CAPN9: variants seen among roughly 807,000 people sequenced by gnomAD.
CAPN9 encodes the protein calpain 9, also known as calpain-9.
In CAPN9, 81 loss-of-function variants were observed where a neutral mutation model predicts 92.8. That is an observed-to-expected ratio of 0.87 (90% confidence interval 0.73 to 1.05). The LOEUF (loss-of-function observed/expected upper bound fraction) is 1.05, where lower values mean the gene tolerates loss of function less well. CAPN9 is among the 50% of genes least tolerant of loss of function. The pLI, the probability that CAPN9 is intolerant of heterozygous loss-of-function variation, is 0.00. For missense variants in CAPN9, 848 were observed against 866.2 expected, an observed-to-expected ratio of 0.98 and a Z score of 0.26; for synonymous variants, 304 against 328.0, an observed-to-expected ratio of 0.93 and a Z score of 0.79.
At chr1:230,764,373 T>C (rs2102857410) in intron 4 of CAPN9, among the ~76,000 whole-genome samples, 2 of 152,344 alleles carry the variant, frequency 1.3e-5, no homozygotes, top group Middle Eastern at 6.8e-3. Context: ...CTCCTCGTTC[T>C]CAAACCTTTG....
intron 8 of CAPN9, among the ~76,000 whole-genome samples, chr1:230,777,696 T>G (rs1666906442): frequency 6.7e-6 from 1 of 150,260 alleles, no homozygotes; most frequent in Admixed American, 6.6e-5. Context: ...CTAACCCTGA[T>G]CTTGCCAGGG....
chr1:230,774,640 C>G lies in CAPN9; in HGVS notation c.953+9C>G, dbSNP rs193126303. On this transcript the variant is annotated intron_variant, in intron 8 of 19. Transcript: ENST00000271971. ...GATGATGGGGAATTCTGGTACCGTG[C>G]TTGTTCCTGTGTTAACTGCAGATAC... The G allele has an allele frequency of 1.2e-6, 2 of 1,609,304 alleles. No homozygotes were observed. The highest frequency in any genetic ancestry group is 1.7e-6 in the Non-Finnish European group (2 of 1,175,700).
At chr1:230,755,523 G>A in intron 2 of CAPN9, 117 bp downstream of exon 2, 1 of 701,818 alleles carries the variant, frequency 1.4e-6, no homozygotes, top group Non-Finnish European at 2.4e-6. Context: ...GAACAACACT[G>A]CTTCGGCCTC....
chr1:230,783,843 A>G (rs1667389744), intron 11 of CAPN9, among the ~76,000 whole-genome samples: 1 of 152,200 alleles, frequency 6.6e-6, no homozygotes, highest in Admixed American at 6.5e-5. Flanking sequence ...AGATGAGGAA[A>G]AGTTTATAAC....
At chr1:230,772,187 G>A in intron 7 of CAPN9, 88 bp downstream of exon 7, 1 of 1,073,874 alleles carries the variant, frequency 9.3e-7, no homozygotes, top group Non-Finnish European at 1.4e-6. Flanking sequence ...GGAGTGGCCT[G>A]TCTACTATCC....
In CAPN9 at chr1:230,780,318, C is replaced by T. The variant is rs1454046271; in HGVS notation, c.1254C>T (p.Ile418=). The T allele has an allele frequency of 8.1e-6, 13 of 1,613,832 alleles. No homozygotes were observed. The highest frequency in any genetic ancestry group is 1.7e-5 in the Admixed American group (1 of 59,978). Residue 418 remains isoleucine (I), a synonymous_variant, in exon 10 of 20, where the codon ATC becomes ATT. Transcript: ENST00000271971. The stretch of plus-strand genomic sequence containing the variant: ...GATTTGGTGCCAATGTGCTGACAAT[C>T]GGCTATGCCATTTATGAGGTAGGTG... The part of the protein sequence containing the change: ...LKRFGANVLT[I]GYAIYECPDK...
chr1:230,790,340 T>C (rs1430149936), intron 14 of CAPN9, 151 bp downstream of exon 14: 1 of 1,388,150 alleles, frequency 7.2e-7, no homozygotes, highest in African/African-American at 1.5e-5. Context: ...ATTGTTTGTT[T>C]TCCTGATTCC....
chr1:230,794,790 T>C (rs1265782944), intron 17 of CAPN9, among the ~76,000 whole-genome samples: 1 of 152,190 alleles, frequency 6.6e-6, no homozygotes, highest in East Asian at 1.9e-4. Flanking sequence ...AGGAATGAAC[T>C]TGGGGCTCAG....
At chr1:230,801,476 C>T in intron 19 of CAPN9, 94 bp from the exon 20 acceptor site, 1 of 1,153,626 alleles carries the variant, frequency 8.7e-7, no homozygotes, top group Admixed American at 1.7e-5. Flanking sequence ...AGCAGATCTC[C>T]TGTGATATCA....
At chr1:230,785,893 C>T (rs948637449) in intron 11 of CAPN9, 88 bp from the exon 12 acceptor site, 2 of 1,309,452 alleles carry the variant, frequency 1.5e-6, no homozygotes, top group Non-Finnish European at 2.2e-6. Flanking sequence ...AGGGACAGAA[C>T]CTTCCCAGGC....
At chr1:230,800,785 C>A (rs1329739330) in intron 19 of CAPN9, among the ~76,000 whole-genome samples, 1 of 152,162 alleles carries the variant, frequency 6.6e-6, no homozygotes. Flanking sequence ...TTTCTTTAAT[C>A]CCCTTGGTGA....
chr1:230,755,319 A>G lies in CAPN9; in HGVS notation c.214-18A>G, dbSNP rs1424172331. The stretch of plus-strand genomic sequence containing the variant: ...CAGCATGGCAGGCCTCAGCCTAATA[A>G]CACTCTCATTCCTCCAGGAAATCGT... On this transcript the variant is annotated intron_variant, in intron 1 of 19. Coordinates refer to ENST00000271971, the MANE Select transcript of CAPN9 (RefSeq NM_006615.3). The G allele has an allele frequency of 6.2e-7, 1 of 1,605,264 alleles. No homozygotes were observed. The highest frequency in any genetic ancestry group is 1.7e-5 in the Admixed American group (1 of 59,562).
At chr1:230,786,998 G>A (rs1278746496) in intron 12 of CAPN9, among the ~76,000 whole-genome samples, 1 of 152,168 alleles carries the variant, frequency 6.6e-6, no homozygotes, top group East Asian at 1.9e-4. Context: ...GCTTTTAGGA[G>A]GGAATTTGCT....
intron 4 of CAPN9, among the ~76,000 whole-genome samples, chr1:230,767,231 C>T (rs548254949): frequency 4.6e-5 from 7 of 152,122 alleles, no homozygotes; most frequent in Non-Finnish European, 7.3e-5. Flanking sequence ...AATGAAGGCA[C>T]TAGCGACTTG....
At chr1:230,776,290 C>T (rs961051300) in intron 8 of CAPN9, 4 of 152,176 alleles carry the variant, frequency 2.6e-5, no homozygotes, top group Non-Finnish European at 5.9e-5. Context: ...ATGAGGGCTC[C>T]ACCCTCACAA....
At chr1:230,747,912 G>A (rs1664530165) in intron 1 of CAPN9, among the ~76,000 whole-genome samples, 1 of 152,106 alleles carries the variant, frequency 6.6e-6, no homozygotes, top group African/African-American at 2.4e-5. Context: ...TGGGGACCCG[G>A]GGCATCTGGT....
rs755048863 is a variant in CAPN9 at position 230,795,258 on chromosome 1, GT to G, written c.1967del (p.Val656AlafsTer25). On this transcript the variant is annotated frameshift_variant, in exon 18 of 20. Coordinates refer to ENST00000271971, the MANE Select transcript of CAPN9 (RefSeq NM_006615.3). LOFTEE classifies it high-confidence loss of function. ...CTTCGATGACTTCCTCAACTGCCTGGTCCGGCTGGAGAATGCGAGCCGTAAG... is the reference window on the plus strand; with the variant it reads ...CTTCGATGACTTCCTCAACTGCCTGGCCGGCTGGAGAATGCGAGCCGTAAG... ...LDFDDFLNCL[V>X]RLENASRVFQ... The G allele has an allele frequency of 1.9e-6, 3 of 1,611,644 alleles. No individual in the cohort carries two copies. The South Asian group carries it at 3.3e-5, about 18-fold the overall frequency.
Position 230,792,869 on chromosome 1 carries a change from A to G in CAPN9, c.1811A>G (p.Asp604Gly). ...KQWINLFLRF[D>G]ADKSGTMSTY... is the part of the protein sequence containing the mutation. The stretch of plus-strand genomic sequence containing the variant: ...CTTTAGAACCTTTTCCTTCGGTTTG[A>G]TGCTGACAAGTCCGGCACCATGTCT... The change falls in exon 17 of 20, where the codon GAT becomes GGT. Residue 604 changes from aspartate (D) to glycine (G), a missense_variant. Physicochemically the swap from Asp to Gly is moderately conservative, Grantham distance 94. Transcript: ENST00000271971. 1 of 1,614,132 alleles carries G rather than the reference A, an allele frequency of 6.2e-7. No individual in the cohort carries two copies.
chr1:230,800,275 A>T lies in CAPN9; in HGVS notation c.2047-1295A>T, dbSNP rs1046701202. The stretch of plus-strand genomic sequence containing the variant: ...GAAAGAAAGAAAGAAAGAAAGAAAG[A>T]AAGAAAGAAAGAAAGAAAGAAAGAA... On this transcript the variant is annotated intron_variant, in intron 19 of 19. Coordinates refer to ENST00000271971, the MANE Select transcript of CAPN9 (RefSeq NM_006615.3). Among the ~76,000 whole-genome samples, 471 of 136,742 alleles carry T rather than the reference A, an allele frequency of 3.4e-3. 17 individuals are homozygous for T. Among genetic ancestry groups the T allele is most frequent in the South Asian group, 0.016 (66 of 4,134 alleles). The allele number at this position is 136,742 out of a possible 152,430, so 89.7% of individuals were successfully genotyped here. A position where few individuals can be genotyped will look rare whatever the true frequency, so the allele number is the denominator to read the frequency against.
Sources: gnomAD v4.1 joint callset for allele counts (sites outside exome capture counted in the v4.1 genomes callset) on GRCh38, gnomAD v4.1.1 for gene constraint, MANE v1.5 for transcripts, NCBI Gene and HGNC (gene_info 2026-07-23, HGNC 2026-07-21) for gene names.